CTNNA3: variants seen among roughly 807,000 people sequenced by gnomAD.
CTNNA3 encodes catenin alpha-3.
Under a neutral mutation model 95.7 loss-of-function variants are expected in CTNNA3, and 76 were observed. The ratio of observed to expected loss-of-function variants is 0.79; its 90% confidence interval spans 0.66 to 0.96. The LOEUF is 0.96. CTNNA3 is among the 40% of genes least tolerant of loss of function. The pLI, the probability that CTNNA3 is intolerant of heterozygous loss-of-function variation, is 0.00. For missense variants in CTNNA3, 1,191 were observed against 1,089.8 expected (o/e 1.09, Z -1.31); for synonymous variants, 431 against 374.4 (o/e 1.15, Z -1.74).
At chr10:66,128,648 G>A (rs566939275) in intron 13 of CTNNA3, among the ~76,000 whole-genome samples, 1 of 152,252 alleles carries the variant, frequency 6.6e-6, no homozygotes, top group Admixed American at 6.5e-5. Context: ...TTAGAGGGAG[G>A]GGATGTATAG....
intron 6 of CTNNA3, among the ~76,000 whole-genome samples, chr10:67,211,369 T>C (rs74142420): frequency 0.043 from 6,559 of 152,038 alleles, 179 homozygotes; most frequent in South Asian, 0.088. Flanking sequence ...TATAATGCCA[T>C]GTACATCATG....
At chr10:66,807,119 T>C (rs1841683600) in intron 7 of CTNNA3, among the ~76,000 whole-genome samples, 1 of 152,076 alleles carries the variant, frequency 6.6e-6, no homozygotes. Flanking sequence ...TTATCAATGA[T>C]GAGGCCAAAA....
At chr10:67,727,052 A>ATATAATTATATC (rs573580519) in intron 1 of CTNNA3, among the ~76,000 whole-genome samples, 2,253 of 112,550 alleles carry the variant, frequency 0.02, 184 homozygotes, top group African/African-American at 0.083. Flanking sequence ...TACATATATG[A>ATATAATTATATC]TATAATTATA....
intron 5 of CTNNA3, among the ~76,000 whole-genome samples, chr10:67,349,283 C>T (rs1452300973): frequency 6.6e-6 from 1 of 152,044 alleles, no homozygotes; most frequent in African/African-American, 2.4e-5. Flanking sequence ...TCTACAATAG[C>T]TAAAATGTGG....
chr10:66,044,758 G>C (rs371669055), intron 15 of CTNNA3, among the ~76,000 whole-genome samples: 5 of 152,180 alleles, frequency 3.3e-5, no homozygotes, highest in Non-Finnish European at 7.4e-5. Flanking sequence ...TCTCCTGTCT[G>C]TTTACATTCT....
rs151239997 is a variant in CTNNA3, at chr10:67,199,055, G to T, written c.844-18535C>A. Among the ~76,000 whole-genome samples, 757 of 152,010 alleles carry T rather than the reference G, an allele frequency of 5.0e-3. 6 individuals are homozygous for T. The highest frequency in any genetic ancestry group is 0.017 in the African/African-American group (707 of 41,474). ...TAAAAAAAATAAGGTAAAGGGGGAAGGGAAAGAGAAAAGGGGATGGAAGGA... is the reference window on the plus strand; with the variant it reads ...TAAAAAAAATAAGGTAAAGGGGGAATGGAAAGAGAAAAGGGGATGGAAGGA... On this transcript the variant is annotated intron_variant, in intron 6 of 17. Coordinates refer to ENST00000433211, the MANE Select transcript of CTNNA3 (RefSeq NM_013266.4).
At chr10:67,290,515 T>C (rs1839793729) in intron 5 of CTNNA3, among the ~76,000 whole-genome samples, 2 of 152,320 alleles carry the variant, frequency 1.3e-5, no homozygotes, top group Non-Finnish European at 2.9e-5. Flanking sequence ...CTTTTCTATG[T>C]GCCAGGATGT....
intron 15 of CTNNA3, among the ~76,000 whole-genome samples, chr10:66,027,533 G>A (rs569332841): frequency 9.5e-4 from 145 of 152,198 alleles, no homozygotes; most frequent in Non-Finnish European, 1.8e-3. Flanking sequence ...TCTTGTGAAT[G>A]CTTCCTTATT....
intron 1 of CTNNA3, among the ~76,000 whole-genome samples, chr10:67,657,168 G>A (rs73270190): frequency 0.062 from 9,468 of 152,172 alleles, 317 homozygotes; most frequent in South Asian, 0.1. Flanking sequence ...TAAGTTTTTC[G>A]ATCTGGAGCA....
At chr10:66,894,406 A>G (rs574436299) in intron 7 of CTNNA3, among the ~76,000 whole-genome samples, 1 of 152,126 alleles carries the variant, frequency 6.6e-6, no homozygotes, top group South Asian at 2.1e-4. Flanking sequence ...TTTATTTTAC[A>G]AGCTTCCCTC....
At chr10:66,428,010 C>T (rs1207087241) in intron 11 of CTNNA3, among the ~76,000 whole-genome samples, 1 of 152,084 alleles carries the variant, frequency 6.6e-6, no homozygotes, top group Non-Finnish European at 1.5e-5. Flanking sequence ...GGAAACCCAT[C>T]TCACGTGCAG....
chr10:66,213,785 C>T (rs780372730), intron 13 of CTNNA3, among the ~76,000 whole-genome samples: 26 of 152,082 alleles, frequency 1.7e-4, no homozygotes, highest in Non-Finnish European at 2.8e-4. Flanking sequence ...CACATTAATG[C>T]GTTTAATGTG....
chr10:66,559,430 T>C (rs1842485613), intron 10 of CTNNA3, among the ~76,000 whole-genome samples: 1 of 139,564 alleles, frequency 7.2e-6, no homozygotes, highest in Non-Finnish European at 1.5e-5. Flanking sequence ...CATTTTGCAA[T>C]GTTGCAGCTT....
At chr10:66,436,501 CTTTTTT>C (rs34165061) in intron 11 of CTNNA3, among the ~76,000 whole-genome samples, 9 of 60,406 alleles carry the variant, frequency 1.5e-4, no homozygotes, top group East Asian at 9.9e-4. Context: ...ACAATCCCTG[CTTTTTT>C]TTTTTTTTTT....
chr10:67,698,979 T>TA (rs1841011348), upstream of CTNNA3, among the ~76,000 whole-genome samples: 1 of 152,148 alleles, frequency 6.6e-6, no homozygotes, highest in African/African-American at 2.4e-5. Context: ...TCATCAAATC[T>TA]ATAAACCCAC....
chr10:66,941,691 C>G lies in CTNNA3; in HGVS notation c.1048-166167G>C, dbSNP rs892396222. ...GCATGGGAGGAGGGGATGCTAACAG[C>G]TGCAGCCTTGACCGCACTGCCCGTG... On this transcript the variant is annotated intron_variant, in intron 7 of 17. Transcript: ENST00000433211. 2.0e-5 allele frequency among the ~76,000 whole-genome samples: 3 copies of G among 152,200 alleles called. No individual in the cohort carries two copies. In the East Asian group the frequency reaches 5.8e-4, roughly 29 times the overall value.
intron 13 of CTNNA3, among the ~76,000 whole-genome samples, chr10:66,268,465 T>A (rs1451523931): frequency 3.3e-5 from 5 of 152,174 alleles, no homozygotes; most frequent in Admixed American, 6.6e-5. Flanking sequence ...CATAAGAGGC[T>A]AAATGTCACC....
intron 7 of CTNNA3, among the ~76,000 whole-genome samples, chr10:66,932,015 T>C (rs1847427775): frequency 6.6e-6 from 1 of 152,076 alleles, no homozygotes; most frequent in African/African-American, 2.4e-5. Flanking sequence ...ATGTCAAAGG[T>C]GTCAAAGGAG....
At chr10:66,718,002 G>C (rs145488542) in intron 9 of CTNNA3, among the ~76,000 whole-genome samples, 1 of 152,130 alleles carries the variant, frequency 6.6e-6, no homozygotes, top group East Asian at 1.9e-4. Context: ...ATATATTACA[G>C]ACAGAACCAA....
Sources: allele counts gnomAD v4.1 joint callset (sites outside exome capture counted in the v4.1 genomes callset), GRCh38; gene constraint gnomAD v4.1.1; transcripts MANE v1.5; gene names NCBI Gene and HGNC (gene_info 2026-07-23, HGNC 2026-07-21).